Variants in NTNG1 observed in about 807,000 individuals in gnomAD.
NTNG1 encodes netrin-G1.
In NTNG1, 16 loss-of-function variants were observed where a neutral mutation model predicts 54.0. That is an observed-to-expected ratio of 0.30 (90% CI 0.20 to 0.45). The LOEUF is 0.45. NTNG1 is among the 20% of genes least tolerant of loss of function. The pLI is 1.00. For synonymous variants in NTNG1, 255 were observed against 263.1 expected (o/e 0.97, Z 0.30); for missense variants, 530 against 678.7 (o/e 0.78, Z 2.43).
intron 2 of NTNG1, among the ~76,000 whole-genome samples, chr1:107,259,407 A>G (rs1663149148): frequency 6.6e-6 from 1 of 152,226 alleles, no homozygotes; most frequent in Admixed American, 6.5e-5. Context: ...GTTAGGAAGC[A>G]TGTGTAAGGC....
intron 3 of NTNG1, among the ~76,000 whole-genome samples, chr1:107,365,946 C>T (rs1273337708): frequency 2.0e-5 from 3 of 152,160 alleles, no homozygotes; most frequent in Non-Finnish European, 2.9e-5. Context: ...TCTTTCAGTT[C>T]ATAAATGTAC....
chr1:107,177,900 G>T (rs1310073712), intron 2 of NTNG1, among the ~76,000 whole-genome samples: 1 of 152,032 alleles, frequency 6.6e-6, no homozygotes, highest in South Asian at 2.1e-4. Context: ...CCACATTGTT[G>T]TACTTTCTGG....
chr1:107,271,041 G>A (rs2101689549), intron 2 of NTNG1, among the ~76,000 whole-genome samples: 2 of 152,084 alleles, frequency 1.3e-5, no homozygotes, highest in East Asian at 3.9e-4. Context: ...TTAAAAAGCA[G>A]ATTGCTTACC....
At chr1:107,413,130 T>G (rs77590747) in intron 5 of NTNG1, among the ~76,000 whole-genome samples, 1 of 110,530 alleles carries the variant, frequency 9.0e-6, no homozygotes, top group Non-Finnish European at 2.0e-5. Context: ...TTTCTTTTCT[T>G]TTCTGTTTTT....
chr1:107,273,315 C>T (rs1664264699), intron 2 of NTNG1, among the ~76,000 whole-genome samples: 1 of 152,108 alleles, frequency 6.6e-6, no homozygotes, highest in Non-Finnish European at 1.5e-5. Flanking sequence ...TTGTTTGAAT[C>T]CTGATAGAAG....
intron 2 of NTNG1, among the ~76,000 whole-genome samples, chr1:107,237,734 A>G (rs1461544503): frequency 6.6e-6 from 1 of 152,174 alleles, no homozygotes. Flanking sequence ...TTCAAACCCC[A>G]AGTCTTGGCA....
intron 2 of NTNG1, among the ~76,000 whole-genome samples, chr1:107,222,136 T>C (rs1660386246): frequency 6.6e-6 from 1 of 151,694 alleles, no homozygotes; most frequent in Non-Finnish European, 1.5e-5. Flanking sequence ...TCATTTCTTG[T>C]AGAAGGCTTT....
intron 7 of NTNG1, among the ~76,000 whole-genome samples, chr1:107,459,551 C>T (rs1677152948): frequency 6.6e-6 from 1 of 152,094 alleles, no homozygotes; most frequent in Non-Finnish European, 1.5e-5. Context: ...AATGTATTTT[C>T]AATTCAATTT....
intron 7 of NTNG1, among the ~76,000 whole-genome samples, chr1:107,462,893 T>C (rs553942135): frequency 6.6e-6 from 1 of 152,104 alleles, no homozygotes; most frequent in South Asian, 2.1e-4. Context: ...CTCAGGGAGG[T>C]CACTTGATTT....
chr1:107,413,526 G>A (rs1427019051), intron 5 of NTNG1, among the ~76,000 whole-genome samples: 1 of 152,020 alleles, frequency 6.6e-6, no homozygotes, highest in Admixed American at 6.6e-5. Flanking sequence ...AACCCAAAGG[G>A]ACCTTGTAAT....
chr1:107,209,888 C>A (rs371286013), intron 2 of NTNG1, among the ~76,000 whole-genome samples: 17 of 18,994 alleles, frequency 9.0e-4, no homozygotes, highest in African/African-American at 1.3e-3. Flanking sequence ...TCAATACAGA[C>A]TTCTTTTTTT....
At chr1:107,456,289 G>C (rs1298064294) in intron 7 of NTNG1, among the ~76,000 whole-genome samples, 1 of 152,198 alleles carries the variant, frequency 6.6e-6, no homozygotes, top group Non-Finnish European at 1.5e-5. Flanking sequence ...TAAGCCAAAG[G>C]CTCACTTGGC....
intron 7 of NTNG1, among the ~76,000 whole-genome samples, chr1:107,444,216 C>G: frequency 6.6e-6 from 1 of 151,972 alleles, no homozygotes; most frequent in Admixed American, 6.6e-5. Flanking sequence ...TCTTATTTTC[C>G]CTTGATTCTT....
Position 107,309,806 on chromosome 1 carries a change from G to T in NTNG1, c.247-14476G>T, listed in dbSNP as rs550776928. 6.6e-5 allele frequency among the ~76,000 whole-genome samples: 10 copies of T among 152,216 alleles called. No individual in the cohort carries two copies. The South Asian group carries it at 2.1e-3, about 32-fold the overall frequency. The stretch of plus-strand genomic sequence containing the variant: ...TAATCAAACCCAACATTTCTACCCA[G>T]CTTTTAATGCTCTCTAAAATCAACT... On this transcript the variant is annotated intron_variant, in intron 2 of 7. Transcript: ENST00000370068.
chr1:107,250,697 T>A lies in NTNG1; in HGVS notation c.247-73585T>A, dbSNP rs577366954. ...CCTAACTCTCGGTCCTTCAGAGATG[T>A]GTCCAGAATCCAGGCAAGAGGGTCG... On this transcript the variant is annotated intron_variant, in intron 2 of 7. Coordinates refer to ENST00000370068, the MANE Select transcript of NTNG1 (RefSeq NM_001113226.3). Among the ~76,000 whole-genome samples, 6 of 149,992 alleles carry A rather than the reference T, an allele frequency of 4.0e-5. No homozygotes were observed. The South Asian group carries it at 1.3e-3, about 33-fold the overall frequency.
intron 3 of NTNG1, among the ~76,000 whole-genome samples, chr1:107,382,088 G>T (rs768148646): frequency 1.1e-3 from 102 of 89,130 alleles, no homozygotes; most frequent in Non-Finnish European, 2.5e-3. Context: ...GCTGAACCTG[G>T]CTTCTCTGTT....
intron 3 of NTNG1, among the ~76,000 whole-genome samples, chr1:107,355,961 ATTT>A (rs1669910583): frequency 6.6e-6 from 1 of 152,116 alleles, no homozygotes; most frequent in African/African-American, 2.4e-5. Context: ...TCCTAAAAAG[ATTT>A]TTGTGTATTC....
intron 2 of NTNG1, among the ~76,000 whole-genome samples, chr1:107,296,414 C>T (rs1257801459): frequency 2.0e-5 from 3 of 151,900 alleles, no homozygotes; most frequent in Non-Finnish European, 4.4e-5. Flanking sequence ...TTGCATGAAA[C>T]CTGATTCGAC....
rs80047387 is a variant in NTNG1 at position 107,422,484 on chromosome 1, C to T, written c.1088-8266C>T. Among the ~76,000 whole-genome samples, 1,075 of 152,122 alleles carry T rather than the reference C, an allele frequency of 7.1e-3. 8 individuals carry two copies. The highest frequency in any genetic ancestry group is 0.014 in the South Asian group (67 of 4,808). ...GGACACAGCACCAATGAGGTCCAGA[C>T]ACATTCCTGGGGGCAGGGAGAAGCT... On this transcript the variant is annotated intron_variant, in intron 5 of 7. Transcript: ENST00000370068.
Sources: allele counts gnomAD v4.1 joint callset (sites outside exome capture counted in the v4.1 genomes callset), GRCh38; gene constraint gnomAD v4.1.1; transcripts MANE v1.5; gene names NCBI Gene and HGNC (gene_info 2026-07-23, HGNC 2026-07-21).